The following GON4L variants were observed in gnomAD, a reference collection of about 807,000 sequenced individuals.
GON4L encodes GON-4-like protein.
GON4L carries 87 observed loss-of-function variants against 211.8 expected under a neutral mutation model. The ratio of observed to expected loss-of-function variants is 0.41; its 90% CI spans 0.35 to 0.49. GON4L has a LOEUF of 0.49. GON4L is among the 20% of genes least tolerant of loss of function. GON4L has a pLI of 0.15. For synonymous variants in GON4L, 875 were observed against 962.6 expected (o/e 0.91, Z 1.68); for missense variants, 2,155 against 2,659.5 (o/e 0.81, Z 4.17).
intron 14 of GON4L, among the ~76,000 whole-genome samples, chr1:155,778,365 C>A (rs1477800391): frequency 6.6e-6 from 1 of 152,192 alleles, no homozygotes; most frequent in East Asian, 1.9e-4. Flanking sequence ...AATTCTCCTG[C>A]CTCACCCTCC....
chr1:155,832,348 C>A (rs1669875731), intron 2 of GON4L, among the ~76,000 whole-genome samples: 1 of 151,474 alleles, frequency 6.6e-6, no homozygotes, highest in African/African-American at 2.4e-5. Flanking sequence ...CAATGTATTG[C>A]CCGGCAAGGT....
chr1:155,830,765 T>G (rs1669687375), intron 2 of GON4L, among the ~76,000 whole-genome samples: 1 of 152,106 alleles, frequency 6.6e-6, no homozygotes, highest in Non-Finnish European at 1.5e-5. Flanking sequence ...TTTATTTTAT[T>G]TTTGTAGAGA....
intron 11 of GON4L, among the ~76,000 whole-genome samples, chr1:155,798,473 G>A (rs1055161902): frequency 2.0e-5 from 3 of 146,382 alleles, no homozygotes; most frequent in Non-Finnish European, 4.5e-5. Flanking sequence ...ACAGAGGGGC[G>A]ATCTCGGCTC....
intron 11 of GON4L, among the ~76,000 whole-genome samples, chr1:155,797,470 C>T (rs1462177331): frequency 1.7e-4 from 25 of 146,324 alleles, no homozygotes; most frequent in Non-Finnish European, 3.2e-4. Context: ...TTTTTTTTTT[C>T]GAGAGGGAGT....
At chr1:155,853,999 C>T (rs773291727) in intron 1 of GON4L, among the ~76,000 whole-genome samples, 193 bp from the exon 2 acceptor site, 9 of 152,206 alleles carry the variant, frequency 5.9e-5, no homozygotes, top group Admixed American at 3.9e-4. Flanking sequence ...CTGATTACTA[C>T]TGATGGACTA....
Position 155,753,527 on chromosome 1 carries a change from T to C in GON4L, c.5632-113A>G. ...CTCATCAAGTCAACCCACATGCATG[T>C]CTGCTCCAACAATTTTGTTGACAGA... On this transcript the variant is annotated intron_variant, in intron 28 of 31. Transcript: ENST00000368331. 1.3e-5 allele frequency: 10 copies of C among 743,444 alleles called. 1 individual carries two copies. The South Asian group carries it at 1.7e-4, about 13-fold the overall frequency. 46.1% of individuals were successfully genotyped at this position (743,444 alleles called of 1,614,324 possible). A position where few individuals can be genotyped will look rare whatever the true frequency, so the allele number is the denominator to read the frequency against.
intron 31 of GON4L, among the ~76,000 whole-genome samples, chr1:155,751,182 T>C (rs1363917191): frequency 6.6e-6 from 1 of 152,136 alleles, no homozygotes; most frequent in Non-Finnish European, 1.5e-5. Context: ...ATAAGGAAAC[T>C]CAAGAGGCTA....
chr1:155,842,594 T>C (rs945779017), intron 2 of GON4L, among the ~76,000 whole-genome samples: 3 of 150,926 alleles, frequency 2.0e-5, no homozygotes, highest in Non-Finnish European at 4.4e-5. Context: ...TCCCAGCACT[T>C]TGGGAGGCCG....
intron 24 of GON4L, 144 bp downstream of exon 24, chr1:155,760,300 A>G: frequency 1.9e-6 from 1 of 533,306 alleles, no homozygotes. Context: ...CTGAAAAGAC[A>G]GAGGCTTTTA....
intron 12 of GON4L, among the ~76,000 whole-genome samples, chr1:155,792,307 C>T (rs2101972589): frequency 6.6e-6 from 1 of 152,022 alleles, no homozygotes; most frequent in South Asian, 2.1e-4. Flanking sequence ...TCAAATATGA[C>T]AATGAGACAC....
intron 12 of GON4L, among the ~76,000 whole-genome samples, chr1:155,785,854 T>C (rs762355282): frequency 3.3e-5 from 5 of 152,178 alleles, no homozygotes; most frequent in East Asian, 3.8e-4. Flanking sequence ...CTCAGCACTT[T>C]GGGAGGCCAA....
intron 2 of GON4L, among the ~76,000 whole-genome samples, chr1:155,848,441 T>C (rs1671456989): frequency 6.6e-6 from 1 of 152,110 alleles, no homozygotes; most frequent in East Asian, 2.0e-4. Context: ...CATCCTATTC[T>C]AAATCTTAAG....
chr1:155,804,410 G>A (rs1222904338), intron 11 of GON4L, among the ~76,000 whole-genome samples: 2 of 151,958 alleles, frequency 1.3e-5, no homozygotes, highest in Non-Finnish European at 2.9e-5. Context: ...AAAACTACAT[G>A]TGCATGTATG....
At position 155,777,655 on chromosome 1, in the gene GON4L, T is replaced by C. The variant is rs767837641; in HGVS notation, c.2058A>G (p.Ala686=). The C allele has an allele frequency of 1.2e-6, 2 of 1,613,852 alleles. No homozygotes were observed. Among genetic ancestry groups the C allele is most frequent in the Non-Finnish European group, 1.7e-6 (2 of 1,179,772 alleles). ...KVHQTLILDP[A]QRKRLQQQMQ... ...TCTGCTGCTGGAGTCTCTTCCTCTG[T>C]GCTGGGTCCAGAATCAGAGTCTGAT... Residue 686 remains alanine, a synonymous_variant, in exon 15 of 32, where the codon GCA becomes GCG. Transcript: ENST00000368331.
chr1:155,805,733 A>T (rs1009230839), intron 10 of GON4L, among the ~76,000 whole-genome samples: 4 of 150,728 alleles, frequency 2.7e-5, no homozygotes, highest in African/African-American at 9.8e-5. Context: ...TTTGTTGCCC[A>T]GGCTAGAATG....
At chr1:155,757,558 TG>T (rs1661327325) in intron 25 of GON4L, among the ~76,000 whole-genome samples, 1 of 151,566 alleles carries the variant, frequency 6.6e-6, no homozygotes, top group African/African-American at 2.4e-5. Flanking sequence ...TCCACCCTAC[TG>T]ATCTCCAGCT....
chr1:155,822,116 G>C (rs1001270509), intron 4 of GON4L, among the ~76,000 whole-genome samples, 170 bp downstream of exon 4: 2 of 152,194 alleles, frequency 1.3e-5, no homozygotes, highest in African/African-American at 4.8e-5. Flanking sequence ...CTTGTACTGA[G>C]TGCAAGGAGA....
downstream of GON4L, chr1:155,747,411 T>G (rs1025241982): frequency 7.6e-7 from 1 of 1,314,704 alleles, no homozygotes; most frequent in African/African-American, 1.5e-5. Context: ...ACGATGGGTA[T>G]GGGGACCCCA....
chr1:155,839,582 C>T (rs989827269), intron 2 of GON4L, among the ~76,000 whole-genome samples: 2 of 148,796 alleles, frequency 1.3e-5, no homozygotes, highest in Non-Finnish European at 3.0e-5. Flanking sequence ...ACCCGGGAGG[C>T]GGAGGTTGCA....
Sources: allele counts gnomAD v4.1 joint callset (sites outside exome capture counted in the v4.1 genomes callset), GRCh38; gene constraint gnomAD v4.1.1; transcripts MANE v1.5; gene names NCBI Gene and HGNC (gene_info 2026-07-23, HGNC 2026-07-21).